RBFOX1: variants seen among roughly 807,000 people sequenced by gnomAD.
The protein encoded by RBFOX1 is RNA binding fox-1 homolog 1.
Under a neutral mutation model 57.7 loss-of-function variants are expected in RBFOX1, and 8 were observed. The observed-to-expected ratio is 0.14, with a 90% CI of 0.08 to 0.25. RBFOX1 has a LOEUF of 0.25. Among genes scored for constraint, RBFOX1 ranks in the 10% least tolerant of loss-of-function variants. RBFOX1 has a pLI of 1.00. For synonymous variants in RBFOX1, 326 were observed against 222.4 expected, an observed-to-expected ratio of 1.47 and a Z score of -4.15; for missense variants, 611 against 548.5, an observed-to-expected ratio of 1.11 and a Z score of -1.14.
intron 2 of RBFOX1, among the ~76,000 whole-genome samples, chr16:5,561,715 G>T (rs990042518): frequency 3.9e-4 from 59 of 152,064 alleles, no homozygotes; most frequent in African/African-American, 1.4e-3. Context: ...TCTCCAGGAG[G>T]GTCCCCAGGA....
chr16:6,999,216 AT>A (rs374767232), intron 3 of RBFOX1, among the ~76,000 whole-genome samples: 3 of 109,034 alleles, frequency 2.8e-5, no homozygotes, highest in Non-Finnish European at 1.9e-5. Flanking sequence ...ATTTTTATTT[AT>A]TTTTTTTATT....
At chr16:6,894,299 C>G (rs148025480) in intron 3 of RBFOX1, among the ~76,000 whole-genome samples, 21 of 152,244 alleles carry the variant, frequency 1.4e-4, no homozygotes, top group African/African-American at 4.6e-4. Flanking sequence ...AAGGGGTGGT[C>G]TGTTGTGCGT....
intron 1 of RBFOX1, among the ~76,000 whole-genome samples, chr16:6,287,092 A>C (rs895890715): frequency 3.9e-5 from 6 of 152,138 alleles, no homozygotes; most frequent in African/African-American, 1.4e-4. Context: ...GTTCATGGCA[A>C]ACCAAAGAAG....
chr16:5,776,328 G>T (rs538200727), intron 3 of RBFOX1, among the ~76,000 whole-genome samples: 4 of 152,182 alleles, frequency 2.6e-5, no homozygotes, highest in East Asian at 1.9e-4. Flanking sequence ...CTTCCACTCT[G>T]TGTGTTCTTT....
intron 4 of RBFOX1, among the ~76,000 whole-genome samples, chr16:5,994,074 G>A (rs1012450382): frequency 2.6e-5 from 4 of 152,158 alleles, no homozygotes; most frequent in Admixed American, 6.5e-5. Flanking sequence ...GGATGGGAAT[G>A]GAGCTATGGG....
At chr16:6,243,541 A>T (rs1244915775) in intron 1 of RBFOX1, among the ~76,000 whole-genome samples, 1 of 152,118 alleles carries the variant, frequency 6.6e-6, no homozygotes, top group Middle Eastern at 3.2e-3. Flanking sequence ...CCCAACAGTC[A>T]GTCCTCGTTC....
intron 3 of RBFOX1, among the ~76,000 whole-genome samples, chr16:6,869,929 C>T (rs1049482597): frequency 6.6e-6 from 1 of 152,148 alleles, no homozygotes; most frequent in African/African-American, 2.4e-5. Flanking sequence ...CTTATATCAT[C>T]TCAGCGTCTT....
At chr16:6,664,925 A>G (rs2098722699) in intron 3 of RBFOX1, among the ~76,000 whole-genome samples, 2 of 152,184 alleles carry the variant, frequency 1.3e-5, no homozygotes, top group South Asian at 4.1e-4. Flanking sequence ...TGCATCGTCT[A>G]TAAAACAGGG....
At chr16:5,679,694 T>G (rs1198091403) in intron 3 of RBFOX1, among the ~76,000 whole-genome samples, 1 of 152,194 alleles carries the variant, frequency 6.6e-6, no homozygotes, top group Non-Finnish European at 1.5e-5. Context: ...TACCTGGTAA[T>G]GAACTTTTTA....
At chr16:5,835,617 G>A (rs2151836425) in intron 3 of RBFOX1, among the ~76,000 whole-genome samples, 1 of 152,280 alleles carries the variant, frequency 6.6e-6, no homozygotes, top group East Asian at 1.9e-4. Context: ...CCTCCCCACA[G>A]GGTTTCTGCA....
At chr16:6,488,380 C>T (rs2095552587) in intron 2 of RBFOX1, among the ~76,000 whole-genome samples, 1 of 152,134 alleles carries the variant, frequency 6.6e-6, no homozygotes, top group African/African-American at 2.4e-5. Context: ...ATGTGATAAC[C>T]TGTCAACAGA....
At chr16:5,739,683 C>T (rs1209224456) in intron 3 of RBFOX1, among the ~76,000 whole-genome samples, 1 of 152,300 alleles carries the variant, frequency 6.6e-6, no homozygotes, top group African/African-American at 2.4e-5. Context: ...AAGCTTCAAA[C>T]TTAGAATTCT....
At chr16:7,488,734 C>T (rs1599756639) in intron 4 of RBFOX1, among the ~76,000 whole-genome samples, 1 of 151,926 alleles carries the variant, frequency 6.6e-6, no homozygotes, top group Non-Finnish European at 1.5e-5. Flanking sequence ...ATCTATTATC[C>T]ACCTATCTAC....
At chr16:7,684,763 G>T (rs2075694686) in intron 14 of RBFOX1, among the ~76,000 whole-genome samples, 1 of 152,016 alleles carries the variant, frequency 6.6e-6, no homozygotes, top group Non-Finnish European at 1.5e-5. Context: ...TGCTTTGTTA[G>T]AGTGTTTGTG....
At chr16:7,178,809 T>C (rs1000958851) in intron 4 of RBFOX1, among the ~76,000 whole-genome samples, 1 of 152,210 alleles carries the variant, frequency 6.6e-6, no homozygotes, top group African/African-American at 2.4e-5. Context: ...GACATCGGGT[T>C]TCACACCTGT....
intron 2 of RBFOX1, among the ~76,000 whole-genome samples, chr16:6,583,279 C>T (rs867810364): frequency 2.0e-4 from 31 of 152,156 alleles, no homozygotes; most frequent in Admixed American, 4.6e-4. Flanking sequence ...ACATGTGCAA[C>T]TTCAGGACCA....
chr16:6,232,455 T>C (rs752009185), intron 1 of RBFOX1, among the ~76,000 whole-genome samples: 4 of 152,204 alleles, frequency 2.6e-5, no homozygotes, highest in Non-Finnish European at 5.9e-5. Flanking sequence ...TGACAGCCCT[T>C]TGGGGATCCT....
chr16:7,066,131 C>A (rs138518300), intron 4 of RBFOX1, among the ~76,000 whole-genome samples: 2 of 152,294 alleles, frequency 1.3e-5, no homozygotes, highest in East Asian at 3.9e-4. Flanking sequence ...TCATTAGGCA[C>A]AAACAAATGC....
chr16:6,942,341 G>T (rs962403974), intron 3 of RBFOX1, among the ~76,000 whole-genome samples: 34 of 152,004 alleles, frequency 2.2e-4, no homozygotes, highest in Admixed American at 1.3e-4. Flanking sequence ...CTAATTTTTT[G>T]ATTTTTTTTT....
Sources: allele counts gnomAD v4.1 joint callset (sites outside exome capture counted in the v4.1 genomes callset), GRCh38; gene constraint gnomAD v4.1.1; transcripts MANE v1.5; gene names NCBI Gene and HGNC (gene_info 2026-07-23, HGNC 2026-07-21).